FAM78B: variants seen among roughly 807,000 people sequenced by gnomAD.
FAM78B encodes the protein family with sequence similarity 78 member B.
FAM78B carries 10 observed loss-of-function variants against 20.0 expected under a neutral mutation model. The ratio of observed to expected loss-of-function variants is 0.50; its 90% CI spans 0.31 to 0.85. The LOEUF is 0.85. FAM78B is among the 40% of genes least tolerant of loss of function. FAM78B has a pLI of 0.05. For synonymous variants in FAM78B, 135 were observed against 132.8 expected (o/e 1.02, Z -0.12); for missense variants, 283 against 345.0 (o/e 0.82, Z 1.42).
chr1:166,056,951 C>G (rs1174306541), downstream of FAM78B, among the ~76,000 whole-genome samples: 1 of 152,118 alleles, frequency 6.6e-6, no homozygotes, highest in Non-Finnish European at 1.5e-5. Flanking sequence ...GTAAGAGAGG[C>G]CCAAGGAAGC....
downstream of FAM78B, among the ~76,000 whole-genome samples, chr1:166,064,532 G>A (rs1456013957): frequency 2.0e-5 from 3 of 152,092 alleles, no homozygotes; most frequent in Non-Finnish European, 4.4e-5. Flanking sequence ...TTCTAGAGCT[G>A]CTTCCTGGAG....
At chr1:166,071,520 C>CAGGAGG (rs370094739) in intron 1 of FAM78B, among the ~76,000 whole-genome samples, 7 of 152,132 alleles carry the variant, frequency 4.6e-5, no homozygotes, top group South Asian at 2.1e-4. Flanking sequence ...TGACCTTGTA[C>CAGGAGG]AGGAGGAGGA....
chr1:166,064,378 A>G (rs1389622151), downstream of FAM78B, among the ~76,000 whole-genome samples: 4 of 152,122 alleles, frequency 2.6e-5, no homozygotes, highest in African/African-American at 9.7e-5. Flanking sequence ...TGAGACCATA[A>G]CAGGAAAAAT....
At chr1:166,161,399 C>T (rs992640125) in intron 1 of FAM78B, among the ~76,000 whole-genome samples, 5 of 152,162 alleles carry the variant, frequency 3.3e-5, no homozygotes, top group African/African-American at 1.2e-4. Context: ...CCACCTGCCT[C>T]GGCCTCCCAT....
intron 1 of FAM78B, among the ~76,000 whole-genome samples, chr1:166,126,720 T>C (rs1227961380): frequency 6.6e-6 from 1 of 152,144 alleles, no homozygotes; most frequent in Admixed American, 6.5e-5. Flanking sequence ...TAATACATGA[T>C]AATTATTGCA....
chr1:166,088,589 T>C (rs1019158444), intron 1 of FAM78B, among the ~76,000 whole-genome samples: 7 of 152,226 alleles, frequency 4.6e-5, no homozygotes, highest in African/African-American at 7.2e-5. Flanking sequence ...ATGAGAAGTA[T>C]GTGGAACGGT....
chr1:166,158,999 G>A (rs1353818496), intron 1 of FAM78B, among the ~76,000 whole-genome samples: 2 of 152,208 alleles, frequency 1.3e-5, no homozygotes, highest in Non-Finnish European at 2.9e-5. Context: ...TGGCCCCTCT[G>A]TTATCTGTGA....
chr1:166,154,084 T>C (rs1355073135), intron 1 of FAM78B, among the ~76,000 whole-genome samples: 1 of 152,200 alleles, frequency 6.6e-6, no homozygotes, highest in Non-Finnish European at 1.5e-5. Flanking sequence ...ACTTCTCCCA[T>C]CTGTTCTGCT....
intron 1 of FAM78B, among the ~76,000 whole-genome samples, chr1:166,132,501 A>T (rs1187019232): frequency 1.3e-5 from 2 of 152,220 alleles, no homozygotes; most frequent in African/African-American, 4.8e-5. Flanking sequence ...AAAAAAACCC[A>T]GGTGTGTGCA....
At chr1:166,078,328 C>T (rs1431836891) in intron 1 of FAM78B, among the ~76,000 whole-genome samples, 1 of 152,060 alleles carries the variant, frequency 6.6e-6, no homozygotes, top group African/African-American at 2.4e-5. Context: ...CGTGCCTGGC[C>T]GTCAATATTA....
chr1:166,070,625 G>C lies in FAM78B; in HGVS notation c.402C>G (p.Phe134Leu). 6.2e-7 allele frequency: 1 copy of C among 1,613,758 alleles called. No individual in the cohort carries two copies. Among genetic ancestry groups the C allele is most frequent in the Non-Finnish European group, 8.5e-7 (1 of 1,180,018 alleles). The change falls in exon 2 of 2, where the codon TTC becomes TTG. Residue 134 changes from phenylalanine to leucine, a missense_variant. By Grantham distance (22) the Phe-to-Leu change is conservative. Transcript: ENST00000354422. ...AGAAGTTGTCATTCATGCTGACGGAGAACCTGGAGATCTTGTTGGTGGGGC... is the reference window on the plus strand; with the variant it reads ...AGAAGTTGTCATTCATGCTGACGGACAACCTGGAGATCTTGTTGGTGGGGC... Reference protein sequence around the residue: ...LVGPTNKISRFSVSMNDNFYP... With the variant: ...LVGPTNKISRLSVSMNDNFYP...
At chr1:166,103,529 C>T (rs950797783) in intron 1 of FAM78B, among the ~76,000 whole-genome samples, 5 of 152,120 alleles carry the variant, frequency 3.3e-5, no homozygotes, top group South Asian at 2.1e-4. Flanking sequence ...ATATCACCAA[C>T]GATCCCACAG....
chr1:166,120,633 GA>G (rs1462019634), intron 1 of FAM78B, among the ~76,000 whole-genome samples: 5 of 152,224 alleles, frequency 3.3e-5, no homozygotes, highest in Non-Finnish European at 7.3e-5. Flanking sequence ...GGGTCCTAAA[GA>G]GGGGTCCCTG....
downstream of FAM78B, among the ~76,000 whole-genome samples, chr1:166,066,042 C>T (rs1174812425): frequency 1.3e-5 from 2 of 152,186 alleles, no homozygotes; most frequent in South Asian, 2.1e-4. Context: ...CTAACCAGGG[C>T]TTGGAAAGCC....
chr1:166,154,815 T>C (rs974801521), intron 1 of FAM78B: 2 of 478,240 alleles, frequency 4.2e-6, no homozygotes, highest in African/African-American at 2.0e-5. Context: ...ACTGCCCTTT[T>C]CTGGGCTTCA....
chr1:166,109,837 T>TATATAC (rs1653941351), intron 1 of FAM78B, among the ~76,000 whole-genome samples: 1 of 17,148 alleles, frequency 5.8e-5, no homozygotes, highest in Non-Finnish European at 1.1e-4. Flanking sequence ...TATATGTATA[T>TATATAC]ATGTATATAT....
intron 1 of FAM78B, among the ~76,000 whole-genome samples, chr1:166,095,423 C>G (rs920129318): frequency 3.0e-4 from 46 of 152,120 alleles, no homozygotes; most frequent in Admixed American, 3.0e-3. Context: ...GGGCCAGGAA[C>G]CAGGACAGGC....
intron 1 of FAM78B, among the ~76,000 whole-genome samples, chr1:166,096,809 T>C (rs904743563): frequency 1.3e-5 from 2 of 152,126 alleles, no homozygotes; most frequent in Non-Finnish European, 2.9e-5. Context: ...CCAGAGAAGA[T>C]GAAGAGTTGT....
intron 1 of FAM78B, among the ~76,000 whole-genome samples, chr1:166,102,159 T>G (rs993475867): frequency 1.4e-4 from 22 of 152,264 alleles, no homozygotes; most frequent in African/African-American, 5.1e-4. Context: ...AAGCAAATGC[T>G]GAGAGATTTT....
Sources: allele counts gnomAD v4.1 joint callset (sites outside exome capture counted in the v4.1 genomes callset), GRCh38; gene constraint gnomAD v4.1.1; transcripts MANE v1.5; gene names NCBI Gene and HGNC (gene_info 2026-07-23, HGNC 2026-07-21).